PRMT3: variants seen among roughly 807,000 people sequenced by gnomAD.
PRMT3 encodes protein arginine N-methyltransferase 3.
In PRMT3, 62 loss-of-function variants were observed where a neutral mutation model predicts 71.9. The ratio of observed to expected loss-of-function variants is 0.86; its 90% CI spans 0.70 to 1.07. The LOEUF (loss-of-function observed/expected upper bound fraction) is 1.07, where lower values mean the gene tolerates loss of function less well. Among genes scored for constraint, PRMT3 ranks in the 50% least tolerant of loss-of-function variants. The pLI, the probability that PRMT3 is intolerant of heterozygous loss-of-function variation, is 0.00. For synonymous variants in PRMT3, 213 were observed against 220.4 expected, an observed-to-expected ratio of 0.97 and a Z score of 0.30; for missense variants, 663 against 643.0, an observed-to-expected ratio of 1.03 and a Z score of -0.34.
At chr11:20,419,026 C>T (rs1001930431) in intron 9 of PRMT3, among the ~76,000 whole-genome samples, 1 of 152,180 alleles carries the variant, frequency 6.6e-6, no homozygotes, top group African/African-American at 2.4e-5. Context: ...TTGGTGCACA[C>T]ATCTGGGGGG....
chr11:20,419,027 A>T (rs1282386853), intron 9 of PRMT3, among the ~76,000 whole-genome samples: 1 of 152,164 alleles, frequency 6.6e-6, no homozygotes, highest in East Asian at 1.9e-4. Flanking sequence ...TGGTGCACAC[A>T]TCTGGGGGGT....
Position 20,432,350 on chromosome 11 carries a change from A to T in PRMT3, c.993+5485A>T, listed in dbSNP as rs562641076. ...CCTGGGAGTAAAAGTAAACCCTTCA[A>T]ATTTACAGCTTACATTTGTAGGCAC... On this transcript the variant is annotated intron_variant, in intron 10 of 15. Coordinates refer to ENST00000331079, the MANE Select transcript of PRMT3 (RefSeq NM_005788.4). Among the ~76,000 whole-genome samples, 13 of 152,252 alleles carry T rather than the reference A, an allele frequency of 8.5e-5. No individual in the cohort carries two copies. In the South Asian group the frequency reaches 2.5e-3, roughly 29 times the overall value.
intron 15 of PRMT3, among the ~76,000 whole-genome samples, chr11:20,504,019 T>G (rs1302936897): frequency 1.3e-5 from 2 of 152,206 alleles, no homozygotes; most frequent in African/African-American, 4.8e-5. Flanking sequence ...TTAAGCCGTT[T>G]TGAGTATGTA....
In PRMT3 at chr11:20,464,535, T is replaced by A; in HGVS notation, c.1336T>A (p.Ser446Thr). The A allele has an allele frequency of 6.2e-7, 1 of 1,612,378 alleles. No individual in the cohort carries two copies. The highest frequency in any genetic ancestry group is 8.5e-7 in the Non-Finnish European group (1 of 1,179,264). The change falls in exon 13 of 16, where the codon TCC becomes ACC. Residue 446 changes from serine to threonine, a missense_variant. Transcript: ENST00000331079. ...TTTTACCCTGAAAATCACAAGGACA[T>A]CCATGTGCACGGTAAGCTATTTCAT... The part of the protein sequence containing the change: ...SDFTLKITRT[S>T]MCTAIAGYFD...
chr11:20,413,877 G>C (rs1444218439), intron 9 of PRMT3, among the ~76,000 whole-genome samples: 2 of 151,804 alleles, frequency 1.3e-5, no homozygotes. Context: ...TGGTTAACAG[G>C]CTCTAAGTTG....
chr11:20,395,448 A>G (rs866823895), intron 5 of PRMT3, among the ~76,000 whole-genome samples: 5 of 152,098 alleles, frequency 3.3e-5, no homozygotes, highest in South Asian at 2.1e-4. Context: ...GGTTCAAGCA[A>G]TTCTTCTGCC....
chr11:20,502,732 A>C (rs1023537192), intron 15 of PRMT3, among the ~76,000 whole-genome samples: 2 of 152,330 alleles, frequency 1.3e-5, no homozygotes, highest in East Asian at 3.9e-4. Flanking sequence ...TAAACAAGAC[A>C]GCTTACATAT....
rs1850445725 is a variant in PRMT3, at chr11:20,463,897, CG to C, written c.1261-562del. Among the ~76,000 whole-genome samples, 6 of 27,574 alleles carry C rather than the reference CG, an allele frequency of 2.2e-4. No homozygotes were observed. The South Asian group carries it at 0.012, about 55-fold the overall frequency. The allele number at this position is 27,574 out of a possible 152,430, so 18.1% of individuals were successfully genotyped here. A position where few individuals can be genotyped will look rare whatever the true frequency, so the allele number is the denominator to read the frequency against. ...ATATTTCGCTATTTTTTCTCTGGAT[CG>C]AAATCTCCATAGTTTTGCTGTTTTG... On this transcript the variant is annotated intron_variant, in intron 12 of 15. Transcript: ENST00000331079.
chr11:20,464,628 G>C, intron 13 of PRMT3, 82 bp downstream of exon 13: 1 of 1,560,148 alleles, frequency 6.4e-7, no homozygotes, highest in South Asian at 1.2e-5. Context: ...TACCAGGCTT[G>C]TGACAAATGA....
At chr11:20,480,751 G>T (rs1355819793) in intron 13 of PRMT3, among the ~76,000 whole-genome samples, 5 of 152,118 alleles carry the variant, frequency 3.3e-5, no homozygotes, top group Non-Finnish European at 5.9e-5. Flanking sequence ...GAATGAGTTA[G>T]ATGATGGGGA....
intron 13 of PRMT3, among the ~76,000 whole-genome samples, chr11:20,488,075 G>C (rs1479759983): frequency 6.6e-6 from 1 of 152,132 alleles, no homozygotes; most frequent in Non-Finnish European, 1.5e-5. Context: ...GGCACTTAAT[G>C]TGTATTGTTC....
At chr11:20,399,606 A>C (rs557062599) in intron 7 of PRMT3, among the ~76,000 whole-genome samples, 47 of 152,288 alleles carry the variant, frequency 3.1e-4, no homozygotes, top group African/African-American at 1.1e-3. Context: ...CATCAGCTTA[A>C]ATACCATAAA....
intron 7 of PRMT3, among the ~76,000 whole-genome samples, chr11:20,402,263 G>A (rs6483673): frequency 0.78 from 119,136 of 151,884 alleles, 49,338 homozygotes; most frequent in Non-Finnish European, 0.94. Context: ...AGGATTACAG[G>A]CATGCGCCAC....
intron 10 of PRMT3, among the ~76,000 whole-genome samples, chr11:20,433,178 A>AT (rs891265748): frequency 4.9e-4 from 73 of 148,766 alleles, no homozygotes; most frequent in African/African-American, 1.2e-3. Context: ...CCCAATAGTT[A>AT]TTTTTTTTTT....
chr11:20,445,177 A>T (rs1992566), intron 10 of PRMT3, among the ~76,000 whole-genome samples: 7,326 of 151,794 alleles, frequency 0.048, 282 homozygotes, highest in East Asian at 0.2. Context: ...TTAATTTTTT[A>T]AAAAAAATCA....
At chr11:20,503,615 T>C (rs772249239) in intron 15 of PRMT3, among the ~76,000 whole-genome samples, 4 of 151,272 alleles carry the variant, frequency 2.6e-5, no homozygotes, top group Admixed American at 6.6e-5. Context: ...CAGCATGTAC[T>C]CTAGCTTTCT....
chr11:20,417,210 C>T (rs1344015609), intron 9 of PRMT3, among the ~76,000 whole-genome samples: 1 of 152,138 alleles, frequency 6.6e-6, no homozygotes, highest in African/African-American at 2.4e-5. Flanking sequence ...CTTCCAAAAT[C>T]TCCATGCATT....
At chr11:20,389,588 T>C (rs759399384) in intron 2 of PRMT3, among the ~76,000 whole-genome samples, 156 bp from the exon 3 acceptor site, 2 of 152,152 alleles carry the variant, frequency 1.3e-5, no homozygotes, top group Non-Finnish European at 2.9e-5. Context: ...CTGGATTCCC[T>C]TCCTTTCAGA....
chr11:20,485,831 A>G (rs1851059068), intron 13 of PRMT3, among the ~76,000 whole-genome samples: 1 of 152,254 alleles, frequency 6.6e-6, no homozygotes, highest in African/African-American at 2.4e-5. Flanking sequence ...AGAAGTCAAC[A>G]TAACCTAAAT....
Sources: gnomAD v4.1 joint callset for allele counts (sites outside exome capture counted in the v4.1 genomes callset) on GRCh38, gnomAD v4.1.1 for gene constraint, MANE v1.5 for transcripts, NCBI Gene and HGNC (gene_info 2026-07-23, HGNC 2026-07-21) for gene names.